Variants in GRID2 observed in about 807,000 individuals in gnomAD.
GRID2 encodes glutamate receptor ionotropic, delta-2.
Under a neutral mutation model 114.8 loss-of-function variants are expected in GRID2, and 33 were observed. The ratio of observed to expected loss-of-function variants is 0.29; its 90% CI spans 0.22 to 0.38. The LOEUF is 0.38. Among genes scored for constraint, GRID2 ranks in the 10% least tolerant of loss-of-function variants. The pLI is 1.00. For missense variants in GRID2, 1,184 were observed against 1,257.7 expected (o/e 0.94, Z 0.89); for synonymous variants, 505 against 449.9 (o/e 1.12, Z -1.55).
At chr4:93,472,156 C>G (rs1246506294) in intron 11 of GRID2, among the ~76,000 whole-genome samples, 1 of 151,420 alleles carries the variant, frequency 6.6e-6, no homozygotes, top group Non-Finnish European at 1.5e-5. Context: ...GAAACCCCAT[C>G]TCTACTATAA....
In GRID2 at chr4:92,304,625, T is replaced by A; in HGVS notation, c.-32T>A. The A allele has an allele frequency of 6.9e-7, 1 of 1,459,394 alleles. No individual in the cohort carries two copies. Among genetic ancestry groups the A allele is most frequent in the Non-Finnish European group, 9.6e-7 (1 of 1,040,546 alleles). 90.4% of individuals were successfully genotyped at this position (1,459,394 alleles called of 1,614,324 possible). ...TGAAAAAAAAAAAATTGGAAGAAAA[T>A]CCATCCTCCAAGAGAATCGGCATAG... On this transcript the variant is annotated 5_prime_UTR_variant, in exon 1 of 16. Coordinates refer to ENST00000282020, the MANE Select transcript of GRID2 (RefSeq NM_001510.4).
chr4:93,321,487 A>G (rs539756746), intron 8 of GRID2, among the ~76,000 whole-genome samples: 2 of 152,204 alleles, frequency 1.3e-5, no homozygotes, highest in African/African-American at 2.4e-5. Context: ...GATGTGTACA[A>G]TCGTTGATAA....
chr4:92,310,784 C>A (rs989059150), intron 1 of GRID2, among the ~76,000 whole-genome samples: 5 of 151,700 alleles, frequency 3.3e-5, no homozygotes, highest in Non-Finnish European at 7.4e-5. Context: ...AAATGGAGAA[C>A]AATTGCTATA....
At chr4:93,241,112 G>A (rs1187397635) in intron 8 of GRID2, among the ~76,000 whole-genome samples, 1 of 151,518 alleles carries the variant, frequency 6.6e-6, no homozygotes, top group African/African-American at 2.4e-5. Flanking sequence ...TTGCTGAGTG[G>A]TATTATAGTC....
intron 1 of GRID2, among the ~76,000 whole-genome samples, chr4:92,316,028 G>A (rs1329667275): frequency 7.2e-5 from 10 of 138,480 alleles, no homozygotes; most frequent in Admixed American, 1.4e-4. Flanking sequence ...AAGAGAACCC[G>A]TTCTGTTGTT....
chr4:92,697,911 G>GA (rs148762568), intron 2 of GRID2, among the ~76,000 whole-genome samples: 1 of 151,980 alleles, frequency 6.6e-6, no homozygotes. Context: ...AGTCTAAGGT[G>GA]AAAAAATATT....
chr4:92,838,334 A>G (rs936427534), intron 2 of GRID2, among the ~76,000 whole-genome samples: 1 of 152,070 alleles, frequency 6.6e-6, no homozygotes, highest in Non-Finnish European at 1.5e-5. Flanking sequence ...AGTAGTTACC[A>G]TTTACCAGAT....
chr4:93,148,593 TTAAG>T (rs1369224023), intron 4 of GRID2, among the ~76,000 whole-genome samples: 6 of 152,148 alleles, frequency 3.9e-5, no homozygotes, highest in Non-Finnish European at 1.5e-5. Flanking sequence ...GAAGCATGAC[TTAAG>T]TGAGGATTGT....
At position 92,886,689 on chromosome 4, in the gene GRID2, G is replaced by A. The variant is rs1236887648; in HGVS notation, c.245-198306G>A. Among the ~76,000 whole-genome samples, 11 of 152,194 alleles carry A rather than the reference G, an allele frequency of 7.2e-5. No homozygotes were observed. The East Asian group carries it at 1.4e-3, about 19-fold the overall frequency. ...CGCCCAGGCTGGAGCGCAGCGGAGC[G>A]ATTTAGGCTCACTGCAAGCTCTGCC... On this transcript the variant is annotated intron_variant, in intron 2 of 15. Transcript: ENST00000282020.
chr4:93,156,020 T>C (rs1737152433), intron 4 of GRID2, among the ~76,000 whole-genome samples: 1 of 151,696 alleles, frequency 6.6e-6, no homozygotes, highest in African/African-American at 2.4e-5. Context: ...AGGTGATGGA[T>C]ACCCAATTAC....
chr4:92,333,668 A>G (rs1301899207), intron 1 of GRID2, among the ~76,000 whole-genome samples: 2 of 152,122 alleles, frequency 1.3e-5, no homozygotes, highest in African/African-American at 4.8e-5. Context: ...CATGGTTAAA[A>G]CTAGACAAAC....
intron 1 of GRID2, among the ~76,000 whole-genome samples, chr4:92,317,365 A>C (rs1029363779): frequency 2.6e-5 from 4 of 152,196 alleles, no homozygotes; most frequent in African/African-American, 9.6e-5. Context: ...AAACATATTT[A>C]TATAGACTTT....
chr4:93,674,344 G>A (rs896949053), intron 14 of GRID2, among the ~76,000 whole-genome samples: 5 of 152,212 alleles, frequency 3.3e-5, no homozygotes, highest in Admixed American at 6.5e-5. Flanking sequence ...GCCAGTCCAT[G>A]TTTGAGTGCT....
intron 1 of GRID2, among the ~76,000 whole-genome samples, chr4:92,325,054 T>G (rs1726523861): frequency 6.6e-6 from 1 of 151,920 alleles, no homozygotes; most frequent in African/African-American, 2.4e-5. Context: ...CTGTAATATA[T>G]ATACAGTATA....
At chr4:93,486,738 AATTT>A (rs1449461314) in intron 11 of GRID2, among the ~76,000 whole-genome samples, 1 of 151,646 alleles carries the variant, frequency 6.6e-6, no homozygotes, top group Non-Finnish European at 1.5e-5. Flanking sequence ...TCCGTTTGCT[AATTT>A]ATTTACCTTT....
chr4:93,684,641 G>A (rs1354952833), intron 14 of GRID2, among the ~76,000 whole-genome samples: 3 of 152,052 alleles, frequency 2.0e-5, no homozygotes, highest in Non-Finnish European at 4.4e-5. Flanking sequence ...AAGAAACATC[G>A]AGGGTACAGG....
chr4:92,384,464 A>T (rs1312998878), intron 1 of GRID2, among the ~76,000 whole-genome samples: 8 of 45,226 alleles, frequency 1.8e-4, no homozygotes, highest in Admixed American at 9.1e-4. Flanking sequence ...ATATATATAT[A>T]TATATATATA....
At chr4:93,623,673 A>G in intron 13 of GRID2, among the ~76,000 whole-genome samples, 1 of 152,168 alleles carries the variant, frequency 6.6e-6, no homozygotes, top group East Asian at 1.9e-4. Flanking sequence ...TCTTTATATA[A>G]CATTTATATA....
At chr4:93,693,901 A>G (rs1254875771) in intron 14 of GRID2, among the ~76,000 whole-genome samples, 1 of 152,200 alleles carries the variant, frequency 6.6e-6, no homozygotes, top group Non-Finnish European at 1.5e-5. Flanking sequence ...TCAGACTTTA[A>G]GAGACAATAA....
Sources: allele counts gnomAD v4.1 joint callset (sites outside exome capture counted in the v4.1 genomes callset), GRCh38; gene constraint gnomAD v4.1.1; transcripts MANE v1.5; gene names NCBI Gene and HGNC (gene_info 2026-07-23, HGNC 2026-07-21).